Variants in AGAP5 observed in about 807,000 individuals in gnomAD.
AGAP5 encodes ArfGAP with GTPase domain, ankyrin repeat and PH domain 5, also known as arf-GAP with GTPase, ANK repeat and PH domain-containing protein 5.
A neutral mutation model predicts 27.7 loss-of-function variants in AGAP5; 8 were observed. The observed-to-expected ratio is 0.29, with a 90% confidence interval of 0.17 to 0.52. The LOEUF is 0.52. AGAP5 is among the 20% of genes least tolerant of loss of function. AGAP5 has a pLI of 0.97. For synonymous variants in AGAP5, 111 were observed against 338.0 expected, an observed-to-expected ratio of 0.33 and a Z score of 7.37; for missense variants, 285 against 880.8, an observed-to-expected ratio of 0.32 and a Z score of 8.56.
At chr10:73,689,700 C>T (rs1251141220) in intron 4 of AGAP5, among the ~76,000 whole-genome samples, 2 of 149,852 alleles carry the variant, frequency 1.3e-5, no homozygotes, top group Non-Finnish European at 3.0e-5. Flanking sequence ...AGTGAGGAGA[C>T]CCTCTGCCTG....
At chr10:73,689,644 C>T (rs1195753072) in intron 4 of AGAP5, among the ~76,000 whole-genome samples, 1 of 151,822 alleles carries the variant, frequency 6.6e-6, no homozygotes, top group Non-Finnish European at 1.5e-5. Context: ...CCTGCCGCCC[C>T]GTCCAGGATG....
In AGAP5 at chr10:73,698,037, G is replaced by C. The variant is rs1177560079; in HGVS notation, c.-282C>G. 7.1e-7 allele frequency: 1 copy of C among 1,398,734 alleles called. No individual in the cohort carries two copies. The highest frequency in any genetic ancestry group is 2.9e-5 in the Admixed American group (1 of 34,642). The allele number at this position is 1,398,734 out of a possible 1,614,324, so 86.6% of individuals were successfully genotyped here. A position where few individuals can be genotyped will look rare whatever the true frequency, so the allele number is the denominator to read the frequency against. On this transcript the variant is annotated 5_prime_UTR_variant, in exon 1 of 8. Coordinates refer to ENST00000374094, the MANE Select transcript of AGAP5 (RefSeq NM_001144000.4). The stretch of plus-strand genomic sequence containing the variant: ...TTAATAGGTTGTGAACCCAACAAGC[G>C]CTGAGAGACACAACAACTGCCTGAA...
At position 73,675,630 on chromosome 10, in the gene AGAP5, A is replaced by C. The variant is rs1419255146; in HGVS notation, c.1030T>G (p.Trp344Gly). 1 of 1,614,088 alleles carries C rather than the reference A, an allele frequency of 6.2e-7. No individual in the cohort carries two copies. The highest frequency in any genetic ancestry group is 1.3e-5 in the African/African-American group (1 of 74,922). The change falls in exon 8 of 8, where the codon TGG (tryptophan) becomes GGG (glycine). Residue 344 changes from tryptophan (W) to glycine (G), a missense_variant. By Grantham distance (184) the Trp-to-Gly change is radical. Coordinates refer to ENST00000374094, the MANE Select transcript of AGAP5 (RefSeq NM_001144000.4). ...CAGGCCGATGTGGCTAGGGATGGCC[A>C]CTTTCCTGGGACTTTGATGGTAGAT... is the stretch of plus-strand genomic sequence containing the variant. ...RTSTIKVPGKWPSLATSACAP... is the reference protein window; with the variant it reads ...RTSTIKVPGKGPSLATSACAP...
At chr10:73,677,587 T>C (rs1464462305) in intron 6 of AGAP5, among the ~76,000 whole-genome samples, 2 of 151,002 alleles carry the variant, frequency 1.3e-5, no homozygotes, top group African/African-American at 4.9e-5. Flanking sequence ...GGTTTCACCA[T>C]GTTGGCCAGG....
intron 5 of AGAP5, chr10:73,681,331 C>T (rs1267013617): frequency 1.0e-6 from 1 of 985,166 alleles, no homozygotes. Context: ...TCCTAAAAGG[C>T]TTCTCAGTGC....
chr10:73,697,252 G>C, intron 1 of AGAP5, 89 bp from the exon 2 acceptor site: 1 of 1,576,286 alleles, frequency 6.3e-7, no homozygotes, highest in Non-Finnish European at 8.6e-7. Context: ...TATTTGACAA[G>C]AGCCATAAAT....
At chr10:73,689,923 C>T (rs1374728630) in intron 4 of AGAP5, among the ~76,000 whole-genome samples, 4 of 151,818 alleles carry the variant, frequency 2.6e-5, no homozygotes, top group Non-Finnish European at 4.4e-5. Context: ...TCTGCCCGGC[C>T]GCCCCTACTG....
At chr10:73,683,503 C>T (rs2082041400) in intron 4 of AGAP5, among the ~76,000 whole-genome samples, 1 of 126,792 alleles carries the variant, frequency 7.9e-6, no homozygotes, top group Non-Finnish European at 1.7e-5. Flanking sequence ...GCTCTGTAGC[C>T]CAGGCTGGAG....
chr10:73,677,916 T>C (rs1306546538), intron 6 of AGAP5, among the ~76,000 whole-genome samples: 4 of 152,304 alleles, frequency 2.6e-5, no homozygotes, highest in African/African-American at 7.2e-5. Flanking sequence ...TAGCCTGAAT[T>C]TCTTAAGAAC....
chr10:73,697,402 C>T (rs1274683556), intron 1 of AGAP5, 131 bp downstream of exon 1: 1 of 1,576,128 alleles, frequency 6.3e-7, no homozygotes. Context: ...AGCTTTTGTT[C>T]CTGGCCAGCC....
chr10:73,678,274 TG>T (rs1341709124), intron 6 of AGAP5, among the ~76,000 whole-genome samples: 1 of 152,024 alleles, frequency 6.6e-6, no homozygotes, highest in East Asian at 1.9e-4. Context: ...CACACATCTG[TG>T]GTCCCAGCTA....
intron 4 of AGAP5, among the ~76,000 whole-genome samples, chr10:73,688,685 T>C (rs3957127): frequency 6.6e-6 from 1 of 151,902 alleles, no homozygotes. Context: ...AGCATCTGAA[T>C]AACAAGACTA....
At chr10:73,695,713 G>C (rs1036208924) in intron 2 of AGAP5, among the ~76,000 whole-genome samples, 1 of 151,998 alleles carries the variant, frequency 6.6e-6, no homozygotes, top group African/African-American at 2.4e-5. Context: ...TAAAAATTAA[G>C]AGCCCAACCA....
intron 3 of AGAP5, among the ~76,000 whole-genome samples, chr10:73,692,857 G>A (rs965045228): frequency 6.6e-6 from 1 of 151,812 alleles, no homozygotes; most frequent in African/African-American, 2.4e-5. Context: ...GTGTTAGCCA[G>A]GATGGTCTTG....
At chr10:73,690,359 GGATT>G (rs2082106745) in intron 4 of AGAP5, among the ~76,000 whole-genome samples, 1 of 152,170 alleles carries the variant, frequency 6.6e-6, no homozygotes, top group African/African-American at 2.4e-5. Flanking sequence ...AGGGTTGAAT[GGATT>G]AAGGGCGGTG....
intron 6 of AGAP5, among the ~76,000 whole-genome samples, chr10:73,678,210 G>A (rs3878031): frequency 4.6e-5 from 7 of 152,210 alleles, no homozygotes; most frequent in Admixed American, 4.6e-4. Context: ...CCTAGGCAAC[G>A]TAACGAAACT....
chr10:73,675,812 G>C lies in AGAP5; in HGVS notation c.848C>G (p.Pro283Arg). 6.2e-7 allele frequency: 1 copy of C among 1,613,214 alleles called. No homozygotes were observed. Among genetic ancestry groups the C allele is most frequent in the Non-Finnish European group, 8.5e-7 (1 of 1,179,782 alleles). Residue 283 changes from proline (P) to arginine (R), a missense_variant, in exon 8 of 8, where the codon CCC (proline) becomes CGC (arginine). By Grantham distance (103) the Pro-to-Arg change is moderately radical. Transcript: ENST00000374094. ...ADTIGSGRAIPIKQGMLLKRS... is the reference protein window; with the variant it reads ...ADTIGSGRAIRIKQGMLLKRS... Reference sequence around the variant, plus strand: ...CTTTAAGAGCATGCCCTGTTTAATGGGGATGGCTCTGCCGCTCCCGATGGT... The same window carrying C: ...CTTTAAGAGCATGCCCTGTTTAATGCGGATGGCTCTGCCGCTCCCGATGGT...
rs975909206 is a variant in AGAP5 at position 73,674,378 on chromosome 10, G to T, written c.*221C>A. 1.6e-5 allele frequency: 10 copies of T among 625,032 alleles called. No homozygotes were observed. The highest frequency in any genetic ancestry group is 2.9e-5 in the Admixed American group (1 of 34,068). 38.7% of individuals were successfully genotyped at this position (625,032 alleles called of 1,614,324 possible). On this transcript the variant is annotated 3_prime_UTR_variant, in exon 8 of 8. Transcript: ENST00000374094. ...AAGCCTGTGTGACTTGGGCAATGTG[G>T]CCAGGAGGGCCTGAGACTAACACAT...
chr10:73,687,263 T>G (rs901280679), intron 4 of AGAP5, among the ~76,000 whole-genome samples: 1 of 152,244 alleles, frequency 6.6e-6, no homozygotes, highest in African/African-American at 2.4e-5. Flanking sequence ...GTAACTTTTT[T>G]CCTTTTTCCG....
Sources: allele counts gnomAD v4.1 joint callset (sites outside exome capture counted in the v4.1 genomes callset), GRCh38; gene constraint gnomAD v4.1.1; transcripts MANE v1.5; gene names NCBI Gene and HGNC (gene_info 2026-07-23, HGNC 2026-07-21).